Variants in NEBL observed in about 807,000 individuals in gnomAD.
The protein encoded by NEBL is LIM and SH3 protein 2.
NEBL carries 122 observed loss-of-function variants against 140.2 expected under a neutral mutation model. The observed-to-expected ratio is 0.87, with a 90% CI of 0.75 to 1.01. The LOEUF is 1.01. Among genes scored for constraint, NEBL ranks in the 50% least tolerant of loss-of-function variants. NEBL has a pLI of 0.00. For synonymous variants in NEBL, 436 were observed against 398.9 expected, an observed-to-expected ratio of 1.09 and a Z score of -1.11; for missense variants, 1,365 against 1,231.3, an observed-to-expected ratio of 1.11 and a Z score of -1.62.
chr10:20,846,369 A>G (rs956640973), intron 11 of NEBL, among the ~76,000 whole-genome samples: 2 of 152,210 alleles, frequency 1.3e-5, no homozygotes, highest in African/African-American at 2.4e-5. Flanking sequence ...TATTCATTAT[A>G]GAGATAGGTA....
At chr10:20,960,371 C>G (rs1835995976) in intron 4 of NEBL, among the ~76,000 whole-genome samples, 1 of 151,964 alleles carries the variant, frequency 6.6e-6, no homozygotes, top group African/African-American at 2.4e-5. Context: ...AGGCAGTGAT[C>G]TTCAGTATTC....
rs999443592 is a variant in NEBL, at chr10:21,258,700, C to A, written n.183-6872G>T. On this transcript the variant is annotated intron_variant and non_coding_transcript_variant, in intron 1 of 8. Transcript: ENST00000675702. ...AGCCTGGGTGACAAAAGCGAAACAC[C>A]ATCTCAAAAAAAATAATAAATAAAA... Among the ~76,000 whole-genome samples the A allele has an allele frequency of 4.0e-5, 6 of 150,018 alleles. No homozygotes were observed. In the Admixed American group the frequency reaches 4.0e-4, roughly 10 times the overall value.
At chr10:20,941,622 T>G (rs533648008) in intron 4 of NEBL, among the ~76,000 whole-genome samples, 1 of 150,194 alleles carries the variant, frequency 6.7e-6, no homozygotes, top group Admixed American at 6.7e-5. Context: ...GGTATTCAAG[T>G]AGGAAAAGAG....
At chr10:21,214,367 G>GA (rs1421958749) in intron 3 of NEBL, among the ~76,000 whole-genome samples, 1 of 151,766 alleles carries the variant, frequency 6.6e-6, no homozygotes, top group African/African-American at 2.4e-5. Context: ...TGTGCTAAGG[G>GA]AAAAAGGAAG....
At chr10:20,930,560 C>T (rs1162276360) in intron 4 of NEBL, among the ~76,000 whole-genome samples, 1 of 152,136 alleles carries the variant, frequency 6.6e-6, no homozygotes, top group Non-Finnish European at 1.5e-5. Context: ...CTACCATGGC[C>T]CTGCCTAGTC....
At chr10:20,942,655 C>T (rs886824311) in intron 4 of NEBL, among the ~76,000 whole-genome samples, 1 of 152,074 alleles carries the variant, frequency 6.6e-6, no homozygotes, top group Non-Finnish European at 1.5e-5. Flanking sequence ...AACAGGTGAC[C>T]TACAGAATGG....
chr10:21,070,784 T>C (rs1012684314), intron 2 of NEBL, among the ~76,000 whole-genome samples: 1 of 152,218 alleles, frequency 6.6e-6, no homozygotes, highest in African/African-American at 2.4e-5. Context: ...GGAGTCTTTA[T>C]TGAGGTGGCA....
intron 17 of NEBL, among the ~76,000 whole-genome samples, chr10:20,827,815 T>C (rs1380700460): frequency 6.6e-6 from 1 of 152,042 alleles, no homozygotes; most frequent in African/African-American, 2.4e-5. Flanking sequence ...AGCAAACTAA[T>C]GCAGGAACAG....
intron 1 of NEBL, among the ~76,000 whole-genome samples, chr10:21,282,218 G>C (rs912570440): frequency 2.6e-5 from 4 of 152,196 alleles, no homozygotes; most frequent in African/African-American, 9.6e-5. Context: ...AGGAGCCTCT[G>C]CCCAGCCGGT....
At chr10:21,133,262 A>G (rs1045013902) in intron 2 of NEBL, among the ~76,000 whole-genome samples, 4 of 152,224 alleles carry the variant, frequency 2.6e-5, no homozygotes, top group Non-Finnish European at 5.9e-5. Context: ...CCTGGCTTCA[A>G]GGTAAGAAAA....
intron 4 of NEBL, among the ~76,000 whole-genome samples, chr10:20,915,937 C>T (rs2131481475): frequency 6.6e-6 from 1 of 152,290 alleles, no homozygotes; most frequent in South Asian, 2.1e-4. Context: ...CTATTTAAAA[C>T]AAAATTGTTA....
chr10:21,256,132 A>T (rs1243190215), intron 1 of NEBL, among the ~76,000 whole-genome samples: 1 of 151,984 alleles, frequency 6.6e-6, no homozygotes, highest in African/African-American at 2.4e-5. Context: ...CAGTGTCACA[A>T]TCTCAGCTCA....
At chr10:21,213,536 CAGG>C (rs1287256716) in intron 3 of NEBL, among the ~76,000 whole-genome samples, 8 of 152,110 alleles carry the variant, frequency 5.3e-5, no homozygotes, top group Admixed American at 4.6e-4. Context: ...TTTAAGTAAC[CAGG>C]AGAAGACACT....
chr10:20,859,563 A>AT lies in NEBL; in HGVS notation c.798+149dup, dbSNP rs929715264. ...CATTAAAAATTAATTACAATAATATATTTTTCTCAGAAAAAGCTTTAGAAA... is the reference window on the plus strand; with the variant it reads ...CATTAAAAATTAATTACAATAATATATTTTTTCTCAGAAAAAGCTTTAGAAA... On this transcript the variant is annotated intron_variant, in intron 8 of 27. Coordinates refer to ENST00000377122, the MANE Select transcript of NEBL (RefSeq NM_006393.3). 3 of 588,502 alleles carry AT rather than the reference A, an allele frequency of 5.1e-6. No homozygotes were observed. The African/African-American group carries it at 5.7e-5, about 11-fold the overall frequency. 36.5% of individuals were successfully genotyped at this position (588,502 alleles called of 1,614,324 possible). A position where few individuals can be genotyped will look rare whatever the true frequency, so the allele number is the denominator to read the frequency against.
intron 2 of NEBL, among the ~76,000 whole-genome samples, chr10:21,129,474 T>A (rs532109192): frequency 6.6e-6 from 1 of 151,896 alleles, no homozygotes; most frequent in East Asian, 1.9e-4. Context: ...ATGTATTCAA[T>A]TATATATGCT....
At chr10:21,197,675 A>C (rs10828207) in intron 3 of NEBL, among the ~76,000 whole-genome samples, 1 of 152,056 alleles carries the variant, frequency 6.6e-6, no homozygotes, top group African/African-American at 2.4e-5. Flanking sequence ...TCTCCTAGAA[A>C]CACATAGACC....
intron 3 of NEBL, among the ~76,000 whole-genome samples, chr10:21,018,442 G>A (rs1026655553): frequency 5.9e-5 from 9 of 152,176 alleles, no homozygotes; most frequent in East Asian, 3.9e-4. Flanking sequence ...TGTTCTTGCC[G>A]GCCTCCATAA....
intron 3 of NEBL, among the ~76,000 whole-genome samples, chr10:21,180,071 A>C (rs1406033699): frequency 6.6e-6 from 1 of 151,878 alleles, no homozygotes; most frequent in Non-Finnish European, 1.5e-5. Flanking sequence ...TGGGAGGTGG[A>C]GGTTGCAGTG....
chr10:21,005,032 A>T (rs1430731693), intron 3 of NEBL, among the ~76,000 whole-genome samples: 1 of 152,162 alleles, frequency 6.6e-6, no homozygotes, highest in Non-Finnish European at 1.5e-5. Context: ...ACCCAAACAA[A>T]TTCTTAGGTT....
Sources: gnomAD v4.1 joint callset for allele counts (sites outside exome capture counted in the v4.1 genomes callset) on GRCh38, gnomAD v4.1.1 for gene constraint, MANE v1.5 for transcripts, NCBI Gene and HGNC (gene_info 2026-07-23, HGNC 2026-07-21) for gene names.